The following VPS13B variants were observed in gnomAD, a reference collection of about 807,000 sequenced individuals.
VPS13B encodes intermembrane lipid transfer protein VPS13B.
Under a neutral mutation model 426.4 loss-of-function variants are expected in VPS13B, and 285 were observed. The observed-to-expected ratio is 0.67, with a 90% confidence interval of 0.61 to 0.74. VPS13B has a LOEUF of 0.74. Among genes scored for constraint, VPS13B ranks in the 30% least tolerant of loss-of-function variants. The probability of loss-of-function intolerance (pLI) is 0.00; values close to 1 mark genes in which losing one functional copy is unlikely to be tolerated. For missense variants in VPS13B, 4,537 were observed against 4,782.6 expected, an observed-to-expected ratio of 0.95 and a Z score of 1.51; for synonymous variants, 1,676 against 1,676.4, an observed-to-expected ratio of 1.00 and a Z score of 0.01.
intron 7 of VPS13B, among the ~76,000 whole-genome samples, chr8:99,116,868 A>G (rs902866252): frequency 1.3e-5 from 2 of 152,240 alleles, no homozygotes; most frequent in African/African-American, 4.8e-5. Flanking sequence ...AATGAAATGT[A>G]TACTTCATTG....
At chr8:99,828,640 A>G (rs1814868571) in intron 51 of VPS13B, among the ~76,000 whole-genome samples, 2 of 151,978 alleles carry the variant, frequency 1.3e-5, no homozygotes, top group South Asian at 4.2e-4. Context: ...TCCTGTCATC[A>G]TGATGCTAGT....
Position 99,832,611 on chromosome 8 carries a change from A to G in VPS13B, c.9573A>G (p.Ala3191=), listed in dbSNP as rs189680814. 33 of 1,613,940 alleles carry G rather than the reference A, an allele frequency of 2.0e-5. No homozygotes were observed. The East Asian group carries it at 6.5e-4, about 32-fold the overall frequency. The stretch of plus-strand genomic sequence containing the variant: ...CAGAGTTTCCCAGACAGAGTGTGGC[A>G]GTACCCCTCGGGAATTTCCGGGAAA... ...VRPEFPRQSV[A]VPLGNFRENG... is the part of the protein sequence containing the mutation. The change falls in exon 52 of 62, where the codon GCA becomes GCG. Residue 3191 remains alanine (A), a synonymous_variant. Transcript: ENST00000357162.
At chr8:99,367,238 C>A (rs1311252695) in intron 19 of VPS13B, among the ~76,000 whole-genome samples, 1 of 152,146 alleles carries the variant, frequency 6.6e-6, no homozygotes, top group Non-Finnish European at 1.5e-5. Context: ...CTTTATTTCT[C>A]CTTCATGTTT....
chr8:99,693,754 T>C lies in VPS13B; in HGVS notation c.6047-5771T>C, dbSNP rs1831802506. 2.7e-5 allele frequency among the ~76,000 whole-genome samples: 4 copies of C among 145,888 alleles called. No individual in the cohort carries two copies. In the South Asian group the frequency reaches 9.0e-4, roughly 33 times the overall value. On this transcript the variant is annotated intron_variant, in intron 35 of 61. Transcript: ENST00000357162. ...TCAATTAGGAAAAGAGGAAGTCAAA[T>C]TGTCCCTGTTTGCAGACGACATGAT...
intron 21 of VPS13B, among the ~76,000 whole-genome samples, chr8:99,395,504 A>G (rs1814684531): frequency 6.6e-6 from 1 of 152,178 alleles, no homozygotes; most frequent in East Asian, 1.9e-4. Context: ...AGGCCTCAGT[A>G]GTGGGGCTAA....
chr8:99,492,857 C>T (rs926574674), intron 25 of VPS13B, among the ~76,000 whole-genome samples: 7 of 152,130 alleles, frequency 4.6e-5, no homozygotes, highest in African/African-American at 1.4e-4. Flanking sequence ...CTTTGGCTCA[C>T]CCTCCATGGG....
At chr8:99,653,896 G>A (rs546357886) in intron 34 of VPS13B, among the ~76,000 whole-genome samples, 44 of 152,176 alleles carry the variant, frequency 2.9e-4, no homozygotes, top group African/African-American at 9.2e-4. Flanking sequence ...CGCAGAGCAT[G>A]TGAAATACTG....
In VPS13B at chr8:99,835,343, A is replaced by C. The variant is rs1309911546; in HGVS notation, c.9742+19A>C. On this transcript the variant is annotated intron_variant, in intron 53 of 61. Coordinates refer to ENST00000357162, the MANE Select transcript of VPS13B (RefSeq NM_152564.5). ...ATTAAAGGTATGTTTTATACTATCG[A>C]ATTTAGATAATACTAAATGTGTATT... 2 of 1,601,944 alleles carry C rather than the reference A, an allele frequency of 1.2e-6. No individual in the cohort carries two copies. The highest frequency in any genetic ancestry group is 2.2e-5 in the South Asian group (2 of 90,694).
At chr8:99,143,695 G>A (rs1158880258) in intron 13 of VPS13B, among the ~76,000 whole-genome samples, 3 of 152,144 alleles carry the variant, frequency 2.0e-5, no homozygotes, top group Admixed American at 6.5e-5. Context: ...AGATAATGAA[G>A]AACTCACCCT....
intron 21 of VPS13B, among the ~76,000 whole-genome samples, chr8:99,399,037 C>T (rs2133330408): frequency 6.6e-6 from 1 of 151,884 alleles, no homozygotes; most frequent in East Asian, 1.9e-4. Context: ...TGAAGGTAGA[C>T]ACTATTATAT....
Position 99,574,310 on chromosome 8 carries a change from T to C in VPS13B, c.4950-1348T>C, listed in dbSNP as rs1825653361. 3.9e-5 allele frequency among the ~76,000 whole-genome samples: 6 copies of C among 152,208 alleles called. No homozygotes were observed. In the South Asian group the frequency reaches 1.2e-3, roughly 31 times the overall value. ...CCTTTATTTCTTTCTCCTGCCTGAT[T>C]GCCCTGGCCAGAACTTCCAACACTA... On this transcript the variant is annotated intron_variant, in intron 31 of 61. Coordinates refer to ENST00000357162, the MANE Select transcript of VPS13B (RefSeq NM_152564.5).
intron 3 of VPS13B, among the ~76,000 whole-genome samples, chr8:99,051,694 C>G (rs902713439): frequency 6.6e-6 from 1 of 152,168 alleles, no homozygotes; most frequent in Non-Finnish European, 1.5e-5. Flanking sequence ...TTTGTATCCT[C>G]TTTTATTTCA....
intron 7 of VPS13B, 78 bp from the exon 8 acceptor site, chr8:99,121,099 A>T (rs1244225461): frequency 2.1e-6 from 3 of 1,439,110 alleles, no homozygotes; most frequent in Non-Finnish European, 2.8e-6. Flanking sequence ...GGGAGGAAAA[A>T]TTTTAAAGGA....
intron 19 of VPS13B, among the ~76,000 whole-genome samples, chr8:99,319,605 A>G (rs1809864346): frequency 6.6e-6 from 1 of 152,182 alleles, no homozygotes; most frequent in South Asian, 2.1e-4. Flanking sequence ...ACTGTCTCCT[A>G]ATCATTGTGA....
chr8:99,064,635 G>A (rs566048287), intron 3 of VPS13B, among the ~76,000 whole-genome samples: 1 of 152,212 alleles, frequency 6.6e-6, no homozygotes, highest in Admixed American at 6.5e-5. Context: ...CTTTTGATTA[G>A]TGTACCTGAA....
At chr8:99,761,072 G>C (rs531841483) in intron 39 of VPS13B, among the ~76,000 whole-genome samples, 3 of 152,256 alleles carry the variant, frequency 2.0e-5, no homozygotes, top group Middle Eastern at 3.4e-3. Context: ...GAATAAGTAC[G>C]TGACTTTTAT....
intron 55 of VPS13B, among the ~76,000 whole-genome samples, chr8:99,849,701 T>C (rs545160259): frequency 6.6e-6 from 1 of 152,242 alleles, no homozygotes; most frequent in African/African-American, 2.4e-5. Flanking sequence ...GTGAGAGATA[T>C]CACACAGTTA....
chr8:99,429,219 A>G (rs958544934), intron 21 of VPS13B, among the ~76,000 whole-genome samples: 2 of 151,992 alleles, frequency 1.3e-5, no homozygotes, highest in African/African-American at 4.8e-5. Context: ...AACATGGCAC[A>G]TATATACATA....
At chr8:99,866,867 ACTGT>A (rs1817132105) in intron 58 of VPS13B, among the ~76,000 whole-genome samples, 2 of 152,126 alleles carry the variant, frequency 1.3e-5, no homozygotes, top group South Asian at 4.2e-4. Context: ...GCCAGGCCTG[ACTGT>A]CTGTGGTACT....
Sources: gnomAD v4.1 joint callset for allele counts (sites outside exome capture counted in the v4.1 genomes callset) on GRCh38, gnomAD v4.1.1 for gene constraint, MANE v1.5 for transcripts, NCBI Gene and HGNC (gene_info 2026-07-23, HGNC 2026-07-21) for gene names.